LPO: variants seen among roughly 807,000 people sequenced by gnomAD.
LPO encodes lactoperoxidase, also known as salivary peroxidase.
In LPO, 70 loss-of-function variants were observed where a neutral mutation model predicts 68.4. That is an observed-to-expected ratio of 1.02 (90% CI 0.84 to 1.25). The LOEUF is 1.25. Ranked by LOEUF, LPO falls within the 50% of genes most tolerant of loss-of-function variation. The pLI is 0.00. For missense variants in LPO, 873 were observed against 908.4 expected (o/e 0.96, Z 0.50); for synonymous variants, 360 against 357.6 (o/e 1.01, Z -0.08).
chr17:58,259,891 G>T (rs9912140), intron 9 of LPO, among the ~76,000 whole-genome samples: 1 of 152,070 alleles, frequency 6.6e-6, no homozygotes, highest in Non-Finnish European at 1.5e-5. Context: ...GCACGATCTC[G>T]GCTCACTGCA....
intron 9 of LPO, among the ~76,000 whole-genome samples, chr17:58,263,690 A>C (rs1970211167): frequency 6.6e-6 from 1 of 152,184 alleles, no homozygotes; most frequent in Non-Finnish European, 1.5e-5. Flanking sequence ...CAGTGAGCCA[A>C]GATGGCATCA....
At chr17:58,249,477 G>C in intron 5 of LPO, 89 bp from the exon 6 acceptor site, 5 of 1,512,310 alleles carry the variant, frequency 3.3e-6, no homozygotes, top group Non-Finnish European at 3.5e-6. Context: ...CCTCCGCCTC[G>C]AGCAGAGGCT....
Position 58,254,801 on chromosome 17 carries a change from G to C in LPO, c.1106-10G>C, listed in dbSNP as rs1970037954. ...GGGAGAATCTACCTTCCTGCCTTCT[G>C]GGCTTTCAGGAGATTCTCGAGCCTC... On this transcript the variant is annotated splice_polypyrimidine_tract_variant and intron_variant, in intron 8 of 12. Transcript: ENST00000262290. The C allele has an allele frequency of 6.2e-7, 1 of 1,613,672 alleles. No individual in the cohort carries two copies. The highest frequency in any genetic ancestry group is 2.2e-5 in the East Asian group (1 of 44,866).
At position 58,264,887 on chromosome 17, in the gene LPO, C is replaced by A; in HGVS notation, c.1432C>A (p.Leu478Met). ...HLEVPSSMFR[L>M]DENYQPWGPE... The stretch of plus-strand genomic sequence containing the variant: ...GGAGGTCCCCTCTAGTATGTTCCGC[C>A]TGGATGAGAATTATCAGCCATGGGG... Residue 478 changes from leucine (L) to methionine (M), a missense_variant, in exon 10 of 13, where the codon CTG becomes ATG. By Grantham distance (15) the Leu-to-Met change is conservative (BLOSUM62 2). Coordinates refer to ENST00000262290, the MANE Select transcript of LPO (RefSeq NM_006151.3). The A allele has an allele frequency of 6.2e-7, 1 of 1,614,242 alleles. No individual in the cohort carries two copies. Among genetic ancestry groups the A allele is most frequent in the South Asian group, 1.1e-5 (1 of 91,076 alleles).
intron 8 of LPO, chr17:58,254,558 G>T (rs1970031989): frequency 1.1e-5 from 4 of 357,408 alleles, no homozygotes; most frequent in Non-Finnish European, 2.0e-5. Context: ...CATAGGTAAG[G>T]AGACCGAGGC....
At chr17:58,251,980 C>T in intron 7 of LPO, 1 of 760,124 alleles carries the variant, frequency 1.3e-6, no homozygotes, top group Non-Finnish European at 2.4e-6. Context: ...AGTTCTTTCA[C>T]ACAACAGGAT....
intron 3 of LPO, among the ~76,000 whole-genome samples, 167 bp from the exon 4 acceptor site, chr17:58,247,311 T>G (rs1041932814): frequency 2.6e-5 from 4 of 152,200 alleles, no homozygotes; most frequent in African/African-American, 9.7e-5. Context: ...TTAATTTTAA[T>G]GAGTTTCAAT....
Position 58,249,553 on chromosome 17 carries a change from G to T in LPO, c.444-13G>T, listed in dbSNP as rs772152184. 1.2e-6 allele frequency: 2 copies of T among 1,602,850 alleles called. No homozygotes were observed. The highest frequency in any genetic ancestry group is 2.7e-5 in the African/African-American group (2 of 74,694). ...GGCCTGCCGAAGCTCAGCGAGGATC[G>T]TGCTGGTTTCAGGAGGAAGCCTGCG... On this transcript the variant is annotated splice_polypyrimidine_tract_variant and intron_variant, in intron 5 of 12. Coordinates refer to ENST00000262290, the MANE Select transcript of LPO (RefSeq NM_006151.3).
At chr17:58,267,712 C>T in intron 12 of LPO, 75 bp from the exon 13 acceptor site, 1 of 1,502,706 alleles carries the variant, frequency 6.7e-7, no homozygotes, top group Non-Finnish European at 9.2e-7. Context: ...CCCTGTGACC[C>T]TTTCCTTCCC....
chr17:58,241,379 G>A (rs1969756191), intron 1 of LPO, among the ~76,000 whole-genome samples: 1 of 151,990 alleles, frequency 6.6e-6, no homozygotes. Context: ...CCAAAATTCT[G>A]GGATTACAGG....
At chr17:58,247,456 T>C in intron 3 of LPO, 22 bp from the exon 4 acceptor site, 1 of 1,605,120 alleles carries the variant, frequency 6.2e-7, no homozygotes, top group Non-Finnish European at 8.5e-7. Flanking sequence ...CAGGCCATGA[T>C]CCCCATCTCC....
At chr17:58,253,022 C>CAAAAAAAAAAAAA (rs765890765) in intron 8 of LPO, among the ~76,000 whole-genome samples, 5 of 31,090 alleles carry the variant, frequency 1.6e-4, no homozygotes, top group Admixed American at 9.7e-4. Context: ...GACTCCATCT[C>CAAAAAAAAAAAAA]AAAAAAAAAA....
In LPO at chr17:58,250,789, G is replaced by A. The variant is rs1279358141; in HGVS notation, c.780+168G>A. ...CACTCATCCGTTTATTCAGTAAATA[G>A]ACATTGACCACCCCATACCAGGCAG... On this transcript the variant is annotated intron_variant, in intron 7 of 12. Transcript: ENST00000262290. The A allele has an allele frequency of 5.9e-6, 4 of 673,296 alleles. No homozygotes were observed. The East Asian group carries it at 1.1e-4, about 18-fold the overall frequency. The allele number at this position is 673,296 out of a possible 1,614,324, so 41.7% of individuals were successfully genotyped here.
chr17:58,245,685 C>G (rs1969840698), intron 3 of LPO, among the ~76,000 whole-genome samples: 1 of 152,204 alleles, frequency 6.6e-6, no homozygotes, highest in Non-Finnish European at 1.5e-5. Context: ...CACAGTTAAG[C>G]CCTCCTCCTA....
intron 8 of LPO, among the ~76,000 whole-genome samples, chr17:58,253,660 C>T (rs1057234131): frequency 1.3e-5 from 2 of 152,208 alleles, no homozygotes; most frequent in African/African-American, 4.8e-5. Context: ...CCCCTGGCCA[C>T]CCTGACATTG....
chr17:58,253,480 G>A (rs976511115), intron 8 of LPO, among the ~76,000 whole-genome samples: 1 of 152,198 alleles, frequency 6.6e-6, no homozygotes, highest in African/African-American at 2.4e-5. Flanking sequence ...GAAGAGGAAT[G>A]TATATTTTTA....
chr17:58,250,215 G>A lies in LPO; in HGVS notation c.574-200G>A, dbSNP rs142368326. Among the ~76,000 whole-genome samples the A allele has an allele frequency of 2.5e-3, 374 of 152,202 alleles. 1 individual carries two copies. Among genetic ancestry groups the A allele is most frequent in the African/African-American group, 8.7e-3 (362 of 41,514 alleles). On this transcript the variant is annotated intron_variant, in intron 6 of 12. Transcript: ENST00000262290. The stretch of plus-strand genomic sequence containing the variant: ...CATCCCTGTCCCTTTGTAGCGGCAG[G>A]ACCTTGGAGAACTGACTTCACCTGT...
At chr17:58,247,223 CA>C (rs1969867071) in intron 3 of LPO, among the ~76,000 whole-genome samples, 1 of 152,212 alleles carries the variant, frequency 6.6e-6, no homozygotes, top group African/African-American at 2.4e-5. Flanking sequence ...CACTGTCCAA[CA>C]CAGTCATCAC....
Position 58,267,850 on chromosome 17 carries a change from C to T in LPO, c.1995C>T (p.Ser665=). The T allele has an allele frequency of 6.2e-7, 1 of 1,614,146 alleles. No individual in the cohort carries two copies. The change falls in exon 13 of 13, where the codon TCC becomes TCT. Residue 665 remains serine (S), a synonymous_variant. Transcript: ENST00000262290. ...NEQKDSLQKM[S]FSRLVCDNTR... is the part of the protein sequence containing the mutation. The stretch of plus-strand genomic sequence containing the variant: ...AGAAGGACTCTCTACAGAAAATGTC[C>T]TTCTCACGCCTTGTCTGTGACAACA...
Sources: allele counts gnomAD v4.1 joint callset (sites outside exome capture counted in the v4.1 genomes callset), GRCh38; gene constraint gnomAD v4.1.1; transcripts MANE v1.5; gene names NCBI Gene and HGNC (gene_info 2026-07-23, HGNC 2026-07-21).